The following SYT14 variants were observed in gnomAD, a reference collection of about 807,000 sequenced individuals.
The protein encoded by SYT14 is synaptotagmin 14.
A neutral mutation model predicts 74.2 loss-of-function variants in SYT14; 32 were observed. The ratio of observed to expected loss-of-function variants is 0.43; its 90% CI spans 0.33 to 0.58. SYT14 has a LOEUF of 0.58. Among genes scored for constraint, SYT14 ranks in the 20% least tolerant of loss-of-function variants. SYT14 has a pLI of 0.05. For missense variants in SYT14, 791 were observed against 981.8 expected (o/e 0.81, Z 2.60); for synonymous variants, 298 against 337.7 (o/e 0.88, Z 1.29).
intron 5 of SYT14, among the ~76,000 whole-genome samples, chr1:210,065,231 C>T (rs1011396163): frequency 2.0e-5 from 3 of 152,046 alleles, no homozygotes; most frequent in African/African-American, 7.2e-5. Flanking sequence ...ACCCAAATCT[C>T]ATCTTGAATT....
At chr1:210,076,132 A>C (rs1004336575) in intron 5 of SYT14, among the ~76,000 whole-genome samples, 4 of 152,130 alleles carry the variant, frequency 2.6e-5, no homozygotes, top group African/African-American at 9.7e-5. Flanking sequence ...CTCCACTTAG[A>C]ATCTCAGAGA....
At chr1:210,073,658 T>C (rs1218543011) in intron 5 of SYT14, among the ~76,000 whole-genome samples, 1 of 152,086 alleles carries the variant, frequency 6.6e-6, no homozygotes, top group Non-Finnish European at 1.5e-5. Flanking sequence ...CATGTATGTT[T>C]TACAGGCCAG....
intron 5 of SYT14, among the ~76,000 whole-genome samples, chr1:210,092,160 G>GT (rs547763518): frequency 2.0e-5 from 3 of 152,064 alleles, no homozygotes; most frequent in South Asian, 2.1e-4. Flanking sequence ...AACTATTATA[G>GT]TTTTTTTTCT....
intron 5 of SYT14, among the ~76,000 whole-genome samples, chr1:210,044,239 C>T (rs1033098195): frequency 6.6e-6 from 1 of 152,160 alleles, no homozygotes; most frequent in African/African-American, 2.4e-5. Flanking sequence ...TTGCATGATG[C>T]ACCTTCCATT....
intron 5 of SYT14, among the ~76,000 whole-genome samples, chr1:210,029,799 T>G (rs1323702851): frequency 6.6e-6 from 1 of 152,222 alleles, no homozygotes; most frequent in Non-Finnish European, 1.5e-5. Context: ...ATTGGAATTT[T>G]GTGGAGGTGG....
chr1:210,116,201 C>T (rs1204076410), intron 7 of SYT14, among the ~76,000 whole-genome samples: 1 of 152,116 alleles, frequency 6.6e-6, no homozygotes, highest in East Asian at 1.9e-4. Context: ...GGCCCAGAGG[C>T]CTGACACTAA....
At chr1:210,060,812 A>T (rs1418296598) in intron 5 of SYT14, among the ~76,000 whole-genome samples, 1 of 151,976 alleles carries the variant, frequency 6.6e-6, no homozygotes, top group Non-Finnish European at 1.5e-5. Flanking sequence ...TCCAGCTTTA[A>T]TTGGCAGTTG....
intron 2 of SYT14, among the ~76,000 whole-genome samples, chr1:209,969,783 T>C (rs1003578134): frequency 6.6e-5 from 10 of 152,144 alleles, no homozygotes; most frequent in African/African-American, 2.2e-4. Flanking sequence ...CTGGCCCTCA[T>C]TGTGGTTCTG....
exon 7 of SYT14, chr1:210,100,164 A>C (rs746026886): frequency 1.2e-6 from 2 of 1,614,102 alleles, no homozygotes; most frequent in East Asian, 4.5e-5. Context: ...ACATCCCAAC[A>C]TATAACAGGA....
At chr1:209,971,744 C>G (rs903033513) in intron 2 of SYT14, among the ~76,000 whole-genome samples, 5 of 152,206 alleles carry the variant, frequency 3.3e-5, no homozygotes, top group African/African-American at 1.2e-4. Context: ...GCTACTTGAT[C>G]ATGGCAGATT....
At chr1:210,135,182 A>G (rs984950104) in intron 7 of SYT14, among the ~76,000 whole-genome samples, 1 of 152,048 alleles carries the variant, frequency 6.6e-6, no homozygotes, top group Non-Finnish European at 1.5e-5. Context: ...GGGTTTTGCC[A>G]TGTTGGCCAG....
At chr1:210,128,496 C>T (rs2082613860) in intron 7 of SYT14, among the ~76,000 whole-genome samples, 1 of 152,014 alleles carries the variant, frequency 6.6e-6, no homozygotes, top group African/African-American at 2.4e-5. Flanking sequence ...CTTTCATCTT[C>T]TTTTAATAAG....
intron 2 of SYT14, among the ~76,000 whole-genome samples, chr1:210,008,188 T>C (rs757477219): frequency 2.6e-5 from 4 of 152,170 alleles, no homozygotes; most frequent in Non-Finnish European, 5.9e-5. Flanking sequence ...GTGTTTGATA[T>C]TGTTCAGGTT....
At chr1:209,966,070 C>T in intron 2 of SYT14, 1 of 382,190 alleles carries the variant, frequency 2.6e-6, no homozygotes, top group South Asian at 1.9e-5. Context: ...CGGGGTTTCA[C>T]CATCTTGGCC....
intron 5 of SYT14, among the ~76,000 whole-genome samples, chr1:210,086,889 T>A (rs1410695669): frequency 6.6e-6 from 1 of 152,168 alleles, no homozygotes; most frequent in African/African-American, 2.4e-5. Flanking sequence ...TATTTGTAAC[T>A]CCCTTTTCCA....
chr1:209,964,490 T>C (rs184895569), intron 2 of SYT14, among the ~76,000 whole-genome samples: 2 of 152,358 alleles, frequency 1.3e-5, no homozygotes, highest in Admixed American at 1.3e-4. Context: ...TGTTGCCTAG[T>C]AGAAAAGGGT....
chr1:210,064,578 C>T (rs554131011), intron 5 of SYT14, among the ~76,000 whole-genome samples: 160 of 152,104 alleles, frequency 1.1e-3, no homozygotes, highest in African/African-American at 3.7e-3. Flanking sequence ...CAAGGTTCAT[C>T]CATATTGTAC....
At chr1:210,053,151 T>C (rs1332437748) in intron 5 of SYT14, among the ~76,000 whole-genome samples, 1 of 152,228 alleles carries the variant, frequency 6.6e-6, no homozygotes, top group African/African-American at 2.4e-5. Flanking sequence ...TGTTCATGCA[T>C]AGAAGGTAGA....
At chr1:209,984,610 A>G (rs887818409) in intron 2 of SYT14, among the ~76,000 whole-genome samples, 2 of 152,118 alleles carry the variant, frequency 1.3e-5, no homozygotes. Context: ...AAGAACTTTA[A>G]TATTTCTTAC....
Sources: gnomAD v4.1 joint callset for allele counts (sites outside exome capture counted in the v4.1 genomes callset) on GRCh38, gnomAD v4.1.1 for gene constraint, MANE v1.5 for transcripts, NCBI Gene and HGNC (gene_info 2026-07-23, HGNC 2026-07-21) for gene names.